The following AUTS2 variants were observed in gnomAD, a reference collection of about 807,000 sequenced individuals.
The protein encoded by AUTS2 is autism susceptibility gene 2 protein.
Under a neutral mutation model 112.4 loss-of-function variants are expected in AUTS2, and 17 were observed. The observed-to-expected ratio is 0.15, with a 90% CI of 0.10 to 0.23. The LOEUF (loss-of-function observed/expected upper bound fraction) is 0.23, where lower values mean the gene tolerates loss of function less well. AUTS2 is among the 10% of genes least tolerant of loss of function. The probability of loss-of-function intolerance (pLI) is 1.00; values close to 1 mark genes in which losing one functional copy is unlikely to be tolerated. For synonymous variants in AUTS2, 751 were observed against 702.7 expected (o/e 1.07, Z -1.09); for missense variants, 1,510 against 1,701.6 (o/e 0.89, Z 1.98).
chr7:70,168,743 T>C (rs1352631413), intron 4 of AUTS2, among the ~76,000 whole-genome samples: 1 of 152,222 alleles, frequency 6.6e-6, no homozygotes, highest in Non-Finnish European at 1.5e-5. Flanking sequence ...TCTTGGTGTT[T>C]AGAAATTAAT....
chr7:70,169,250 A>AT (rs985989653), intron 4 of AUTS2, among the ~76,000 whole-genome samples: 4,344 of 151,648 alleles, frequency 0.029, 68 homozygotes, highest in Middle Eastern at 0.051. Context: ...ATATATATAT[A>AT]TTTTTTTTGA....
At chr7:70,295,757 C>T (rs1788905449) in intron 4 of AUTS2, among the ~76,000 whole-genome samples, 1 of 152,122 alleles carries the variant, frequency 6.6e-6, no homozygotes, top group South Asian at 2.1e-4. Context: ...ATTAATGGAT[C>T]TGTGAAGAAG....
intron 2 of AUTS2, among the ~76,000 whole-genome samples, chr7:70,114,358 T>C (rs903670896): frequency 1.3e-5 from 2 of 152,234 alleles, no homozygotes; most frequent in African/African-American, 4.8e-5. Context: ...CTTAGCTCTT[T>C]AAATGTTTAA....
At chr7:69,639,888 A>G (rs746628637) in intron 1 of AUTS2, among the ~76,000 whole-genome samples, 2 of 152,204 alleles carry the variant, frequency 1.3e-5, no homozygotes, top group African/African-American at 2.4e-5. Context: ...GGATGGTTAC[A>G]TCCCTTGGCA....
intron 1 of AUTS2, among the ~76,000 whole-genome samples, chr7:69,839,286 A>C (rs566412494): frequency 6.6e-6 from 1 of 152,206 alleles, no homozygotes; most frequent in East Asian, 1.9e-4. Flanking sequence ...TTACCTTGTA[A>C]GTACCTGATT....
At chr7:70,745,667 C>T (rs184535840) in intron 6 of AUTS2, among the ~76,000 whole-genome samples, 2 of 152,284 alleles carry the variant, frequency 1.3e-5, no homozygotes, top group African/African-American at 2.4e-5. Context: ...TAACACTGCT[C>T]GCCTTTAACA....
intron 4 of AUTS2, among the ~76,000 whole-genome samples, chr7:70,195,505 G>A (rs1810125556): frequency 6.6e-6 from 1 of 152,076 alleles, no homozygotes; most frequent in Non-Finnish European, 1.5e-5. Context: ...AAGAAAATTA[G>A]TCGGGCACTG....
chr7:70,129,854 T>C (rs1806177037), intron 3 of AUTS2, among the ~76,000 whole-genome samples: 1 of 152,118 alleles, frequency 6.6e-6, no homozygotes, highest in Non-Finnish European at 1.5e-5. Flanking sequence ...ACTTGATTTC[T>C]TCCAACAACT....
At chr7:69,924,117 TTCTAAGTTTG>T (rs1372980296) in intron 2 of AUTS2, among the ~76,000 whole-genome samples, 1 of 152,194 alleles carries the variant, frequency 6.6e-6, no homozygotes, top group Non-Finnish European at 1.5e-5. Context: ...GAATGTTCCA[TTCTAAGTTTG>T]TCAGAATTTT....
At chr7:70,585,478 A>G (rs765655339) in intron 5 of AUTS2, among the ~76,000 whole-genome samples, 2 of 152,220 alleles carry the variant, frequency 1.3e-5, no homozygotes, top group Non-Finnish European at 2.9e-5. Context: ...CAAAAGAGGC[A>G]CAAACAAATG....
intron 4 of AUTS2, among the ~76,000 whole-genome samples, chr7:70,433,566 T>C (rs1216480962): frequency 3.9e-5 from 6 of 152,182 alleles, no homozygotes; most frequent in Non-Finnish European, 8.8e-5. Flanking sequence ...CCAATTTCTT[T>C]CTCAACTCAT....
At chr7:70,610,890 C>T (rs1804058778) in intron 5 of AUTS2, among the ~76,000 whole-genome samples, 1 of 152,126 alleles carries the variant, frequency 6.6e-6, no homozygotes, top group Admixed American at 6.6e-5. Context: ...ATATTAACCC[C>T]TTATCAGATA....
chr7:70,657,936 T>C (rs894349440), intron 5 of AUTS2, among the ~76,000 whole-genome samples: 2 of 152,214 alleles, frequency 1.3e-5, no homozygotes, highest in Admixed American at 6.5e-5. Flanking sequence ...TCCCAATCTA[T>C]GGCACATCCA....
chr7:70,342,608 T>C (rs550028983), intron 4 of AUTS2, among the ~76,000 whole-genome samples: 70 of 152,230 alleles, frequency 4.6e-4, no homozygotes, highest in African/African-American at 1.7e-3. Flanking sequence ...AGCTAAATTT[T>C]AAAATTTCAT....
intron 4 of AUTS2, among the ~76,000 whole-genome samples, chr7:70,154,214 C>A (rs1306684263): frequency 6.6e-6 from 1 of 152,146 alleles, no homozygotes; most frequent in Non-Finnish European, 1.5e-5. Flanking sequence ...ACCTATGTCA[C>A]TATGTCATTT....
intron 5 of AUTS2, among the ~76,000 whole-genome samples, chr7:70,501,521 C>T (rs528033118): frequency 1.1e-3 from 169 of 152,302 alleles, no homozygotes; most frequent in African/African-American, 3.9e-3. Context: ...CTTTGCAGAG[C>T]CACACCCACA....
At chr7:70,273,023 T>A (rs906578041) in intron 4 of AUTS2, among the ~76,000 whole-genome samples, 5 of 152,162 alleles carry the variant, frequency 3.3e-5, no homozygotes, top group Admixed American at 2.6e-4. Flanking sequence ...AGGGGAATTC[T>A]AAGTATCTGC....
chr7:69,862,867 A>G (rs751068823), intron 1 of AUTS2, among the ~76,000 whole-genome samples: 4 of 152,156 alleles, frequency 2.6e-5, no homozygotes, highest in African/African-American at 4.8e-5. Context: ...TGAAAGCTGG[A>G]GGCTGATATT....
At chr7:70,744,369 C>A (rs1023180017) in intron 6 of AUTS2, among the ~76,000 whole-genome samples, 1 of 152,154 alleles carries the variant, frequency 6.6e-6, no homozygotes, top group East Asian at 1.9e-4. Context: ...AGCACATCCT[C>A]GGTTTGGGGC....
Sources: allele counts gnomAD v4.1 joint callset (sites outside exome capture counted in the v4.1 genomes callset), GRCh38; gene constraint gnomAD v4.1.1; transcripts MANE v1.5; gene names NCBI Gene and HGNC (gene_info 2026-07-23, HGNC 2026-07-21).